Variants in CHP2 observed in about 807,000 individuals in gnomAD.
CHP2 encodes the protein calcineurin B homologous protein 2.
Under a neutral mutation model 24.7 loss-of-function variants are expected in CHP2, and 31 were observed. The ratio of observed to expected loss-of-function variants is 1.26; its 90% confidence interval spans 0.94 to 1.69. The LOEUF (loss-of-function observed/expected upper bound fraction) is 1.69. CHP2 is among the 40% of genes most tolerant of loss of function. The pLI is 0.00. For missense variants in CHP2, 319 were observed against 261.5 expected, an observed-to-expected ratio of 1.22 and a Z score of -1.52; for synonymous variants, 97 against 99.1, an observed-to-expected ratio of 0.98 and a Z score of 0.13.
chr16:23,755,544 G>A, intron 1 of CHP2, 117 bp from the exon 2 acceptor site: 1 of 858,608 alleles, frequency 1.2e-6, no homozygotes, highest in Non-Finnish European at 1.9e-6. Flanking sequence ...TCCCCGGGAT[G>A]ATCGCCCCTT....
intron 1 of CHP2, 68 bp downstream of exon 1, chr16:23,755,184 G>T: frequency 8.2e-7 from 1 of 1,220,802 alleles, no homozygotes; most frequent in Non-Finnish European, 1.2e-6. Context: ...GCTAGGGAAG[G>T]GGTTGGGTTG....
At chr16:23,757,507 C>T (rs779712586) in intron 6 of CHP2, 23 bp from the exon 7 acceptor site, 48 of 1,612,622 alleles carry the variant, frequency 3.0e-5, no homozygotes, top group Non-Finnish European at 4.0e-5. Context: ...AAGCCTCTTG[C>T]CTGCCATTTG....
rs146709681 is a variant in CHP2 at position 23,755,683 on chromosome 16, C to T, written c.90C>T (p.Arg30=). The T allele has an allele frequency of 6.2e-7, 1 of 1,614,158 alleles. No homozygotes were observed. Among genetic ancestry groups the T allele is most frequent in the South Asian group, 1.1e-5 (1 of 91,084 alleles). Residue 30 remains arginine, a synonymous_variant, in exon 2 of 7, where the codon CGC becomes CGT. Transcript: ENST00000300113. Reference sequence around the variant, plus strand: ...CAGTCTCCCAAGCCAGCCTGCTCCGCCTGCACCACCGGTTCCGGGCACTGG... The same window carrying T: ...CAGTCTCCCAAGCCAGCCTGCTCCGTCTGCACCACCGGTTCCGGGCACTGG... ...ETGFSQASLL[R]LHHRFRALDR... is the part of the protein sequence containing the mutation.
At chr16:23,756,619 A>C (rs1315621842) in intron 5 of CHP2, among the ~76,000 whole-genome samples, 170 bp downstream of exon 5, 1 of 152,088 alleles carries the variant, frequency 6.6e-6, no homozygotes. Flanking sequence ...TGGGAGTCGG[A>C]GTGGGGAGCA....
At position 23,758,673 on chromosome 16, in the gene CHP2, G is replaced by C. The variant is rs1437676657; in HGVS notation, c.*1090G>C. ...GGCCTGTGTCATGTGCTAATTCCTA[G>C]AGCCAGGGAAATAAGGTCTGAGGAT... is the stretch of plus-strand genomic sequence containing the variant. On this transcript the variant is annotated 3_prime_UTR_variant, in exon 7 of 7. Coordinates refer to ENST00000300113, the MANE Select transcript of CHP2 (RefSeq NM_022097.4). 6.6e-6 allele frequency: 1 copy of C among 152,264 alleles called. No individual in the cohort carries two copies. Among genetic ancestry groups the C allele is most frequent in the Non-Finnish European group, 1.5e-5 (1 of 68,084 alleles). The allele number at this position is 152,264 out of a possible 1,614,324, so 9.4% of individuals were successfully genotyped here.
intron 5 of CHP2, among the ~76,000 whole-genome samples, chr16:23,756,717 G>A (rs1961230948): frequency 6.6e-6 from 1 of 152,134 alleles, no homozygotes; most frequent in East Asian, 1.9e-4. Context: ...ATCTGGAGAT[G>A]CTTTTTGTTG....
chr16:23,756,080 TC>T lies in CHP2; in HGVS notation c.242del (p.Pro81GlnfsTer13). On this transcript the variant is annotated frameshift_variant, in exon 4 of 7. Transcript: ENST00000300113. LOFTEE classifies it high-confidence loss of function. ...FFPDGSQRVD[F>X]PGFVRVLAHF... ...CTCCCCAGGAGCCAGCGAGTGGATT[TC>T]CCAGGCTTTGTCAGGGTCTTGGCTC... 6.2e-7 allele frequency: 1 copy of T among 1,614,072 alleles called. No homozygotes were observed. The highest frequency in any genetic ancestry group is 8.5e-7 in the Non-Finnish European group (1 of 1,180,006).
chr16:23,755,757 C>A (rs1156673685), intron 2 of CHP2, 24 bp downstream of exon 2: 2 of 1,613,574 alleles, frequency 1.2e-6, no homozygotes, highest in East Asian at 4.5e-5. Flanking sequence ...GGCCTCATAA[C>A]TTCTGGCCTC....
chr16:23,757,147 G>T, intron 5 of CHP2, 54 bp from the exon 6 acceptor site: 1 of 1,608,980 alleles, frequency 6.2e-7, no homozygotes, highest in Non-Finnish European at 8.5e-7. Context: ...AGGAGATGGG[G>T]AGTTGCAGCC....
Position 23,757,764 on chromosome 16 carries a change from C to G in CHP2, c.*181C>G. The G allele has an allele frequency of 1.6e-6, 1 of 643,610 alleles. No individual in the cohort carries two copies. Among genetic ancestry groups the G allele is most frequent in the Admixed American group, 2.5e-5 (1 of 40,092 alleles). The allele number at this position is 643,610 out of a possible 1,614,324, so 39.9% of individuals were successfully genotyped here. On this transcript the variant is annotated 3_prime_UTR_variant, in exon 7 of 7. Transcript: ENST00000300113. ...AAAGTCTAGCTCAGCAGTCCCCAAC[C>G]TTTTTGGCATCAGGGACAGTTTTTC...
intron 5 of CHP2, among the ~76,000 whole-genome samples, chr16:23,756,734 T>C (rs1961231133): frequency 1.3e-5 from 2 of 151,936 alleles, no homozygotes; most frequent in Admixed American, 6.6e-5. Context: ...GTTGTCACAA[T>C]GGGGGAGAGA....
intron 6 of CHP2, 76 bp downstream of exon 6, chr16:23,757,399 A>C (rs1267149933): frequency 6.3e-7 from 1 of 1,591,436 alleles, no homozygotes; most frequent in South Asian, 1.1e-5. Context: ...CGTTCAACGG[A>C]GGAGGGCGGA....
Position 23,756,242 on chromosome 16 carries a change from C to G in CHP2, c.352+49C>G, listed in dbSNP as rs1597177636. ...AGTGAGAATGCAGATGTACCCACAC[C>G]AGGGACAGGCTCCAGGGATCTCCCA... On this transcript the variant is annotated intron_variant, in intron 4 of 6. Coordinates refer to ENST00000300113, the MANE Select transcript of CHP2 (RefSeq NM_022097.4). 4.4e-6 allele frequency: 7 copies of G among 1,609,190 alleles called. No homozygotes were observed. The East Asian group carries it at 1.6e-4, about 36-fold the overall frequency.
chr16:23,755,096 G>GT lies in CHP2; in HGVS notation c.48dup (p.Ile17TyrfsTer26), dbSNP rs749540211. ...GCCGCGGTCATTCCCGACGGGGACA[G>GT]TATTCGGCGAGAGACCGGCTGTGAG... is the stretch of plus-strand genomic sequence containing the variant. On this transcript the variant is annotated frameshift_variant, in exon 1 of 7. Transcript: ENST00000300113. LOFTEE classifies it high-confidence loss of function. 1 of 1,602,354 alleles carries GT rather than the reference G, an allele frequency of 6.2e-7. No homozygotes were observed. The highest frequency in any genetic ancestry group is 1.7e-5 in the Admixed American group (1 of 59,400).
chr16:23,756,860 G>A (rs1481299151), intron 5 of CHP2, among the ~76,000 whole-genome samples: 1 of 152,128 alleles, frequency 6.6e-6, no homozygotes, highest in Non-Finnish European at 1.5e-5. Context: ...ACAGTGCCAA[G>A]ATTGAGAAAC....
At chr16:23,757,432 G>T (rs750662120) in intron 6 of CHP2, 98 bp from the exon 7 acceptor site, 5 of 1,579,718 alleles carry the variant, frequency 3.2e-6, no homozygotes, top group Admixed American at 1.7e-5. Context: ...GCCTGGGAAT[G>T]ATGGGGTCTC....
In CHP2 at chr16:23,755,889, C is replaced by T; in HGVS notation, c.183C>T (p.Pro61=). The change falls in exon 3 of 7, where the codon CCC becomes CCT. Residue 61 remains proline (P), a synonymous_variant. Transcript: ENST00000300113. ...AGATAGGGGCGCTCGCCGTGAACCCCCTGGGAGACCGAATTATAGAAAGCT... is the reference window on the plus strand; with the variant it reads ...AGATAGGGGCGCTCGCCGTGAACCCTCTGGGAGACCGAATTATAGAAAGCT... ...LQQIGALAVN[P]LGDRIIESFF... is the part of the protein sequence containing the mutation. 6.2e-7 allele frequency: 1 copy of T among 1,614,224 alleles called. No homozygotes were observed.
At position 23,755,738 on chromosome 16, in the gene CHP2, G is replaced by T; in HGVS notation, c.140+5G>T. ...GAATAAGAAGGGCTACCTGAGGTGA[G>T]GGGGAGCCGGCCTCATAACTTCTGG... On this transcript the variant is annotated splice_donor_5th_base_variant and intron_variant, in intron 2 of 6. Coordinates refer to ENST00000300113, the MANE Select transcript of CHP2 (RefSeq NM_022097.4). 1 of 1,614,060 alleles carries T rather than the reference G, an allele frequency of 6.2e-7. No homozygotes were observed. The highest frequency in any genetic ancestry group is 1.6e-4 in the Middle Eastern group (1 of 6,062).
intron 4 of CHP2, 58 bp from the exon 5 acceptor site, chr16:23,756,330 T>TGCTGGAAGAGAGCCAGGGAAGA (rs1230034092): frequency 6.3e-7 from 1 of 1,592,456 alleles, no homozygotes; most frequent in African/African-American, 1.3e-5. Context: ...GGAAGGTGGC[T>TGCTGGAAGAGAGCCAGGGAAGA]GCTGGAAGAG....
Sources: allele counts gnomAD v4.1 joint callset (sites outside exome capture counted in the v4.1 genomes callset), GRCh38; gene constraint gnomAD v4.1.1; transcripts MANE v1.5; gene names NCBI Gene and HGNC (gene_info 2026-07-23, HGNC 2026-07-21).